FBN1: variants seen among roughly 807,000 people sequenced by gnomAD.
The protein encoded by FBN1 is fibrillin-1.
FBN1 carries 29 observed loss-of-function variants against 365.1 expected under a neutral mutation model. That is an observed-to-expected ratio of 0.08 (90% CI 0.06 to 0.11). The LOEUF (loss-of-function observed/expected upper bound fraction) is 0.11. FBN1 is among the 10% of genes least tolerant of loss of function. The pLI is 1.00. For synonymous variants in FBN1, 1,210 were observed against 1,270.5 expected (o/e 0.95, Z 1.01); for missense variants, 2,476 against 3,703.2 (o/e 0.67, Z 8.60).
At chr15:48,486,768 G>C (rs2043510595) in intron 29 of FBN1, among the ~76,000 whole-genome samples, 1 of 152,162 alleles carries the variant, frequency 6.6e-6, no homozygotes, top group Non-Finnish European at 1.5e-5. Context: ...AGCACATGCT[G>C]CTACTGTTCC....
intron 32 of FBN1, among the ~76,000 whole-genome samples, chr15:48,476,310 T>G (rs1803292832): frequency 6.6e-6 from 1 of 152,174 alleles, no homozygotes; most frequent in Admixed American, 6.5e-5. Context: ...TTGCCTAAAT[T>G]TCTCTCCTAT....
intron 49 of FBN1, among the ~76,000 whole-genome samples, chr15:48,443,758 T>C (rs77341126): frequency 0.022 from 3,323 of 152,188 alleles, 69 homozygotes; most frequent in East Asian, 0.083. Flanking sequence ...CTTAATGATA[T>C]GACATATTTG....
chr15:48,459,595 A>G (rs993680782), intron 43 of FBN1, among the ~76,000 whole-genome samples: 1 of 152,228 alleles, frequency 6.6e-6, no homozygotes, highest in African/African-American at 2.4e-5. Context: ...GGAAAAACTC[A>G]GAGAATGCAA....
intron 2 of FBN1, chr15:48,643,007 A>G (rs1890225509): frequency 6.6e-6 from 1 of 152,260 alleles, no homozygotes; most frequent in South Asian, 2.1e-4. Context: ...GACAGCCCAG[A>G]GAAATGAGAC....
chr15:48,583,724 G>C (rs1265527147), intron 6 of FBN1, among the ~76,000 whole-genome samples: 1 of 152,132 alleles, frequency 6.6e-6, no homozygotes, highest in Admixed American at 6.5e-5. Flanking sequence ...GAGAACAAAT[G>C]CTTCCCAGAC....
intron 6 of FBN1, among the ~76,000 whole-genome samples, chr15:48,538,751 G>C (rs982460537): frequency 6.6e-6 from 1 of 152,146 alleles, no homozygotes; most frequent in Non-Finnish European, 1.5e-5. Flanking sequence ...AGGCTGGGCT[G>C]GGGTAAGACT....
intron 6 of FBN1, among the ~76,000 whole-genome samples, chr15:48,585,468 A>T (rs2140694416): frequency 6.6e-6 from 1 of 152,346 alleles, no homozygotes; most frequent in East Asian, 1.9e-4. Flanking sequence ...TAATATTTCC[A>T]TATAACATAC....
intron 8 of FBN1, 145 bp from the exon 9 acceptor site, chr15:48,526,400 T>C: frequency 2.5e-6 from 2 of 814,024 alleles, no homozygotes; most frequent in Non-Finnish European, 4.0e-6. Flanking sequence ...TGGAGAACAG[T>C]CAATTCAAAG....
At chr15:48,530,237 T>C (rs369680975) in intron 8 of FBN1, among the ~76,000 whole-genome samples, 22 of 130,386 alleles carry the variant, frequency 1.7e-4, no homozygotes, top group Middle Eastern at 8.1e-3. Context: ...ATCCGCCGCC[T>C]GATCACAACT....
rs1389668311 is a variant in FBN1 at position 48,474,269 on chromosome 15, C to G, written c.4196G>C (p.Gly1399Ala). The G allele has an allele frequency of 1.2e-6, 2 of 1,614,082 alleles. No individual in the cohort carries two copies. Among genetic ancestry groups the G allele is most frequent in the Admixed American group, 3.3e-5 (2 of 60,026 alleles). ...CLCKEGYTGD[G>A]FTCTDLDECS... is the part of the protein sequence containing the mutation. ...CGTGAACATACCTGTACAAGTGAAG[C>G]CATCACCTGTGTATCCTTCCTTGCA... The change falls in exon 34 of 66, where the codon GGC becomes GCC. Residue 1399 changes from glycine (G) to alanine (A), a missense_variant. Physicochemically the swap from Gly to Ala is moderately conservative, Grantham distance 60. Transcript: ENST00000316623.
At chr15:48,445,207 T>C (rs1274439837) in intron 48 of FBN1, among the ~76,000 whole-genome samples, 169 bp downstream of exon 48, 3 of 141,098 alleles carry the variant, frequency 2.1e-5, no homozygotes, top group Non-Finnish European at 4.6e-5. Context: ...CATATATATA[T>C]GTGTATATAT....
intron 51 of FBN1, 148 bp downstream of exon 51, chr15:48,437,620 T>C (rs1313726967): frequency 2.1e-6 from 2 of 962,518 alleles, no homozygotes; most frequent in Non-Finnish European, 3.1e-6. Context: ...ACCAAGCTCC[T>C]GAGATAAAAT....
chr15:48,455,711 G>C (rs571013461), intron 44 of FBN1, among the ~76,000 whole-genome samples: 1 of 152,192 alleles, frequency 6.6e-6, no homozygotes. Context: ...ACAGCAGGCA[G>C]AGTAAGGGAC....
chr15:48,487,478 T>A (rs375394464), intron 27 of FBN1, 41 bp from the exon 28 acceptor site: 28 of 1,609,650 alleles, frequency 1.7e-5, no homozygotes, highest in Non-Finnish European at 2.4e-5. Context: ...GGGGGCCTCA[T>A]CTCCTCCACC....
intron 9 of FBN1, among the ~76,000 whole-genome samples, chr15:48,522,871 G>A (rs2043871195): frequency 6.6e-6 from 1 of 152,074 alleles, no homozygotes; most frequent in African/African-American, 2.4e-5. Context: ...ATTTTTTTGT[G>A]GTTCCAGTTC....
chr15:48,590,253 G>A (rs1030780718), intron 6 of FBN1, among the ~76,000 whole-genome samples: 1 of 152,130 alleles, frequency 6.6e-6, no homozygotes, highest in African/African-American at 2.4e-5. Context: ...AAAAGCACAG[G>A]AAAATCAGCT....
chr15:48,627,791 G>C (rs1375131820), intron 2 of FBN1, among the ~76,000 whole-genome samples: 1 of 152,198 alleles, frequency 6.6e-6, no homozygotes, highest in Non-Finnish European at 1.5e-5. Flanking sequence ...CTCAGTGTGA[G>C]TGATGCCAGC....
At chr15:48,474,428 C>A in intron 33 of FBN1, 51 bp from the exon 34 acceptor site, 2 of 1,612,740 alleles carry the variant, frequency 1.2e-6, no homozygotes, top group Non-Finnish European at 1.7e-6. Context: ...GTATTTAAAA[C>A]CAATAATACA....
Position 48,505,067 on chromosome 15 carries a change from A to C in FBN1, c.1918T>G (p.Phe640Val). ...NTDGSYRCEC[F>V]PGLAVGLDGR... ...TCCAGACCCACAGCCAGTCCAGGGAAGCATTCACATCTGTAGGAGCCATCA... is the reference window on the plus strand; with the variant it reads ...TCCAGACCCACAGCCAGTCCAGGGACGCATTCACATCTGTAGGAGCCATCA... The change falls in exon 16 of 66, where the codon TTC (phenylalanine) becomes GTC (valine). Residue 640 changes from phenylalanine (F) to valine (V), a missense_variant. Coordinates refer to ENST00000316623, the MANE Select transcript of FBN1 (RefSeq NM_000138.5). The C allele has an allele frequency of 6.2e-7, 1 of 1,614,206 alleles. No homozygotes were observed. The highest frequency in any genetic ancestry group is 8.5e-7 in the Non-Finnish European group (1 of 1,180,026).
Sources: allele counts gnomAD v4.1 joint callset (sites outside exome capture counted in the v4.1 genomes callset), GRCh38; gene constraint gnomAD v4.1.1; transcripts MANE v1.5; gene names NCBI Gene and HGNC (gene_info 2026-07-23, HGNC 2026-07-21).